Variants in PRKG1 observed in about 807,000 individuals in gnomAD.
PRKG1 encodes cGMP-dependent protein kinase 1.
PRKG1 carries 35 observed loss-of-function variants against 88.1 expected under a neutral mutation model. The observed-to-expected ratio is 0.40, with a 90% confidence interval of 0.30 to 0.53. The LOEUF is 0.53. Among genes scored for constraint, PRKG1 ranks in the 20% least tolerant of loss-of-function variants. The pLI is 0.59. For missense variants in PRKG1, 540 were observed against 839.8 expected, an observed-to-expected ratio of 0.64 and a Z score of 4.41; for synonymous variants, 303 against 292.5, an observed-to-expected ratio of 1.04 and a Z score of -0.37.
intron 2 of PRKG1, among the ~76,000 whole-genome samples, chr10:51,187,134 A>G (rs1002596550): frequency 6.6e-6 from 1 of 151,688 alleles, no homozygotes; most frequent in African/African-American, 2.4e-5. Flanking sequence ...GCTTTGAAAT[A>G]GTTGCTAGAA....
chr10:52,217,196 A>G (rs1225106190), intron 9 of PRKG1, among the ~76,000 whole-genome samples: 1 of 152,102 alleles, frequency 6.6e-6, no homozygotes. Context: ...TTGTAAGCCT[A>G]CTAAGGAGTA....
At chr10:51,052,783 C>T (rs1019915547) in intron 1 of PRKG1, among the ~76,000 whole-genome samples, 4 of 152,164 alleles carry the variant, frequency 2.6e-5, no homozygotes, top group Non-Finnish European at 5.9e-5. Context: ...ACCAAACCAG[C>T]TAACTTTCCA....
intron 4 of PRKG1, among the ~76,000 whole-genome samples, chr10:51,890,050 CT>C (rs1382353467): frequency 6.6e-6 from 1 of 152,130 alleles, no homozygotes; most frequent in African/African-American, 2.4e-5. Context: ...TGTGCAGAAG[CT>C]CTTTAGTTTA....
At chr10:51,765,381 T>G (rs1838131291) in intron 3 of PRKG1, among the ~76,000 whole-genome samples, 1 of 152,236 alleles carries the variant, frequency 6.6e-6, no homozygotes, top group Non-Finnish European at 1.5e-5. Flanking sequence ...TGCATCTATT[T>G]GTTAGATAGG....
chr10:52,151,037 A>G (rs1268538268), intron 8 of PRKG1, among the ~76,000 whole-genome samples: 1 of 152,016 alleles, frequency 6.6e-6, no homozygotes, highest in African/African-American at 2.4e-5. Flanking sequence ...AATTATACGA[A>G]TTTGTAAATT....
At chr10:51,831,119 T>C (rs1352400028) in intron 4 of PRKG1, among the ~76,000 whole-genome samples, 2 of 152,176 alleles carry the variant, frequency 1.3e-5, no homozygotes, top group East Asian at 3.9e-4. Flanking sequence ...AACTTTGATA[T>C]GTGGCAATTC....
intron 2 of PRKG1, among the ~76,000 whole-genome samples, chr10:51,222,173 A>T (rs1838558547): frequency 7.1e-6 from 1 of 140,148 alleles, no homozygotes; most frequent in South Asian, 2.4e-4. Flanking sequence ...GGCATGAGCC[A>T]CCGCGCCCAG....
Position 52,127,707 on chromosome 10 carries a change from G to A in PRKG1, c.936-6133G>A, listed in dbSNP as rs73342975. On this transcript the variant is annotated intron_variant, in intron 7 of 17. Coordinates refer to ENST00000373980, the MANE Select transcript of PRKG1 (RefSeq NM_006258.4). Reference sequence around the variant, plus strand: ...TCGTGATGATGACCATGATCATGATGATTGTCACTAACATTTATTGGTTGA... The same window carrying A: ...TCGTGATGATGACCATGATCATGATAATTGTCACTAACATTTATTGGTTGA... Among the ~76,000 whole-genome samples the A allele has an allele frequency of 9.3e-3, 1,417 of 152,280 alleles. 30 individuals are homozygous for A. Among genetic ancestry groups the A allele is most frequent in the African/African-American group, 0.033 (1,356 of 41,564 alleles).
chr10:51,068,444 T>G (rs2132793633), intron 1 of PRKG1: 1 of 152,196 alleles, frequency 6.6e-6, no homozygotes, highest in Admixed American at 6.5e-5. Flanking sequence ...CACCCAAATT[T>G]CTATTTCATT....
At chr10:52,062,946 G>T in intron 7 of PRKG1, 1 of 618,654 alleles carries the variant, frequency 1.6e-6, no homozygotes, top group South Asian at 2.0e-5. Context: ...TTTGTGCAAT[G>T]ATTTTACTCA....
Position 52,288,859 on chromosome 10 carries a change from C to T in PRKG1, c.1832+11C>T. ...TAAAAAACTATGCAGGTAAGTATTT[C>T]AACCACATTATTTTTGAAAACATCA... is the stretch of plus-strand genomic sequence containing the variant. On this transcript the variant is annotated intron_variant, in intron 15 of 17. Coordinates refer to ENST00000373980, the MANE Select transcript of PRKG1 (RefSeq NM_006258.4). 6.3e-7 allele frequency: 1 copy of T among 1,596,486 alleles called. No individual in the cohort carries two copies. Among genetic ancestry groups the T allele is most frequent in the East Asian group, 2.2e-5 (1 of 44,702 alleles).
At chr10:51,876,879 A>G (rs955470992) in intron 4 of PRKG1, among the ~76,000 whole-genome samples, 1 of 152,096 alleles carries the variant, frequency 6.6e-6, no homozygotes, top group African/African-American at 2.4e-5. Context: ...GGTTCCTAAT[A>G]TTACCCAGCA....
At chr10:51,165,305 A>C (rs1485712593) in intron 2 of PRKG1, among the ~76,000 whole-genome samples, 1 of 151,826 alleles carries the variant, frequency 6.6e-6, no homozygotes, top group South Asian at 2.1e-4. Context: ...ACTAAGCTTC[A>C]TAAGTGAAGG....
chr10:51,914,745 C>A (rs1026899413), intron 5 of PRKG1, among the ~76,000 whole-genome samples: 1 of 152,184 alleles, frequency 6.6e-6, no homozygotes, highest in Non-Finnish European at 1.5e-5. Context: ...GGAAACATTT[C>A]ATCCTAACTT....
chr10:51,014,445 A>G (rs1226868166), intron 1 of PRKG1, among the ~76,000 whole-genome samples: 1 of 152,076 alleles, frequency 6.6e-6, no homozygotes, highest in Non-Finnish European at 1.5e-5. Context: ...TAGTGAGGCC[A>G]ATTGTTCCTT....
At position 51,467,723 on chromosome 10, in the gene PRKG1, A is replaced by T. The variant is rs770589870; in HGVS notation, c.479A>T (p.Asp160Val). Residue 160 changes from aspartate to valine, a missense_variant and splice_region_variant, in exon 3 of 18, where the codon GAT becomes GTT. This residue lies in a region of PRKG1 where 400 missense variants were observed against 562.7 expected (regional missense o/e 0.71). Coordinates refer to ENST00000373980, the MANE Select transcript of PRKG1 (RefSeq NM_006258.4). ...DVGSLVYVMEDGKVEVTKEGV... is the reference protein window; with the variant it reads ...DVGSLVYVMEVGKVEVTKEGV... ...CATGTTTTTCCCTCCTCCTTTTTAGATGGTAAGGTTGAAGTTACAAAAGAA... is the reference window on the plus strand; with the variant it reads ...CATGTTTTTCCCTCCTCCTTTTTAGTTGGTAAGGTTGAAGTTACAAAAGAA... 1 of 1,607,238 alleles carries T rather than the reference A, an allele frequency of 6.2e-7. No individual in the cohort carries two copies. Among genetic ancestry groups the T allele is most frequent in the Non-Finnish European group, 8.5e-7 (1 of 1,174,740 alleles).
chr10:51,667,479 T>C (rs549942401), intron 3 of PRKG1, among the ~76,000 whole-genome samples: 1 of 152,294 alleles, frequency 6.6e-6, no homozygotes, highest in South Asian at 2.1e-4. Context: ...AATGATGACT[T>C]AGGATTATAT....
At chr10:51,733,478 C>T (rs572556747) in intron 3 of PRKG1, among the ~76,000 whole-genome samples, 1 of 152,240 alleles carries the variant, frequency 6.6e-6, no homozygotes, top group East Asian at 1.9e-4. Flanking sequence ...AAATCTGAAC[C>T]AATGATCTGA....
intron 1 of PRKG1, among the ~76,000 whole-genome samples, chr10:50,995,833 C>A (rs74133925): frequency 6.6e-6 from 1 of 152,186 alleles, no homozygotes; most frequent in African/African-American, 2.4e-5. Context: ...TTATTCTTGT[C>A]ATGAATCGCT....
Sources: allele counts gnomAD v4.1 joint callset (sites outside exome capture counted in the v4.1 genomes callset), GRCh38; gene constraint gnomAD v4.1.1; regional missense constraint gnomAD v4.1.1; transcripts MANE v1.5; gene names NCBI Gene and HGNC (gene_info 2026-07-23, HGNC 2026-07-21).